Variants in ODAD4 observed in about 807,000 individuals in gnomAD.
ODAD4 encodes outer dynein arm-docking complex subunit 4.
In ODAD4, 49 loss-of-function variants were observed where a neutral mutation model predicts 51.8. That is an observed-to-expected ratio of 0.95 (90% confidence interval 0.75 to 1.20). The LOEUF (loss-of-function observed/expected upper bound fraction) is 1.20. ODAD4 is among the 50% of genes most tolerant of loss of function. The probability of loss-of-function intolerance (pLI) is 0.00; values close to 1 mark genes in which losing one functional copy is unlikely to be tolerated. For missense variants in ODAD4, 590 were observed against 586.5 expected (o/e 1.01, Z -0.06); for synonymous variants, 235 against 221.3 (o/e 1.06, Z -0.55).
chr17:41,949,125 A>C, intron 8 of ODAD4, 28 bp from the exon 9 acceptor site: 1 of 398,446 alleles, frequency 2.5e-6, no homozygotes, highest in Middle Eastern at 6.3e-4. Flanking sequence ...TGGGGGATGA[A>C]GCTGACTCTG....
chr17:41,962,112 A>G (rs1332695851), intron 11 of ODAD4, among the ~76,000 whole-genome samples: 1 of 152,160 alleles, frequency 6.6e-6, no homozygotes, highest in Non-Finnish European at 1.5e-5. Context: ...GCACTGGGTT[A>G]AGCACCAGAC....
chr17:41,956,236 A>G (rs1226669818), intron 10 of ODAD4, among the ~76,000 whole-genome samples: 1 of 151,474 alleles, frequency 6.6e-6, no homozygotes, highest in Non-Finnish European at 1.5e-5. Context: ...TTTAGTAGAG[A>G]TGGGGTTTCA....
intron 9 of ODAD4, among the ~76,000 whole-genome samples, chr17:41,954,345 CTCAA>C (rs1309800380): frequency 6.6e-6 from 1 of 151,998 alleles, no homozygotes; most frequent in East Asian, 1.9e-4. Context: ...AAATCAATCA[CTCAA>C]TCAATCTGCT....
At chr17:41,945,396 C>T (rs1489953459) in intron 8 of ODAD4, 174 bp downstream of exon 8, 2 of 603,656 alleles carry the variant, frequency 3.3e-6, no homozygotes, top group African/African-American at 1.9e-5. Flanking sequence ...CCTGTGGTCC[C>T]AGCTACTTGG....
chr17:41,942,773 G>A (rs1555638854), intron 7 of ODAD4, among the ~76,000 whole-genome samples: 1 of 152,224 alleles, frequency 6.6e-6, no homozygotes. Context: ...ACCAGGGCCT[G>A]CAGGCAGTGG....
At chr17:41,933,440 C>G (rs1048485157) in intron 1 of ODAD4, among the ~76,000 whole-genome samples, 11 of 151,828 alleles carry the variant, frequency 7.2e-5, no homozygotes, top group African/African-American at 1.9e-4. Context: ...CACCTGAGGT[C>G]AGGTGTTTGA....
chr17:41,949,347 A>G lies in ODAD4; in HGVS notation c.1340A>G (p.Gln447Arg). 2.5e-6 allele frequency: 1 copy of G among 398,674 alleles called. No homozygotes were observed. The highest frequency in any genetic ancestry group is 2.1e-5 in the African/African-American group (1 of 48,752). The allele number at this position is 398,674 out of a possible 1,614,324, so 24.7% of individuals were successfully genotyped here. A position where few individuals can be genotyped will look rare whatever the true frequency, so the allele number is the denominator to read the frequency against. The change falls in exon 9 of 12, where the codon CAA (glutamine) becomes CGA (arginine). Residue 447 changes from glutamine (Q) to arginine (R), a missense_variant and splice_region_variant. Transcript: ENST00000377540. Reference sequence around the variant, plus strand: ...GCCAGTGTTCTGGTGGCCCAGGCACAAGGTATGGGCTCAGAGATGACCACC... The same window carrying G: ...GCCAGTGTTCTGGTGGCCCAGGCACGAGGTATGGGCTCAGAGATGACCACC... ...LNASVLVAQA[Q>R]VKLRDFESAV... is the part of the protein sequence containing the mutation.
intron 5 of ODAD4, among the ~76,000 whole-genome samples, chr17:41,938,285 G>A (rs1315665463): frequency 1.3e-5 from 2 of 152,296 alleles, no homozygotes; most frequent in South Asian, 2.1e-4. Flanking sequence ...GCTTCTCAGC[G>A]AGCCATCCAC....
intron 8 of ODAD4, among the ~76,000 whole-genome samples, chr17:41,945,947 G>A (rs2050579260): frequency 6.6e-6 from 1 of 152,164 alleles, no homozygotes; most frequent in Non-Finnish European, 1.5e-5. Flanking sequence ...ATACTTGGAA[G>A]AGACCCAAGT....
intron 8 of ODAD4, among the ~76,000 whole-genome samples, chr17:41,946,478 C>T (rs782802688): frequency 1.3e-5 from 2 of 152,120 alleles, no homozygotes; most frequent in Non-Finnish European, 2.9e-5. Context: ...GCGCCCGCCA[C>T]CACGCCCAGC....
In ODAD4 at chr17:41,963,827, C is replaced by T. The variant is rs1391413732; in HGVS notation, c.1529-1166C>T. ...TGTTACCCAGTCTGGAGTGCAGTGG[C>T]GCGATCTCAGCTCACTGCAACCTCC... On this transcript the variant is annotated intron_variant, in intron 11 of 11. Coordinates refer to ENST00000377540, the MANE Select transcript of ODAD4 (RefSeq NM_031421.5). 4.9e-5 allele frequency among the ~76,000 whole-genome samples: 6 copies of T among 122,946 alleles called. No homozygotes were observed. In the East Asian group the frequency reaches 7.3e-4, roughly 15 times the overall value. 80.7% of individuals were successfully genotyped at this position (122,946 alleles called of 152,430 possible).
At position 41,965,874 on chromosome 17, in the gene ODAD4, G is replaced by C. The variant is rs1320095899; in HGVS notation, c.*391G>C. 1.3e-5 allele frequency among the ~76,000 whole-genome samples: 2 copies of C among 152,200 alleles called. No individual in the cohort carries two copies. The highest frequency in any genetic ancestry group is 4.8e-5 in the African/African-American group (2 of 41,450). On this transcript the variant is annotated 3_prime_UTR_variant, in exon 12 of 12. Coordinates refer to ENST00000377540, the MANE Select transcript of ODAD4 (RefSeq NM_031421.5). ...CCTCCAGTGCGCAGGACAGCGGGGA[G>C]GCTTTATGGATGGAACAGTGGTGGG...
chr17:41,952,974 C>G (rs980232949), intron 9 of ODAD4, among the ~76,000 whole-genome samples: 5 of 151,996 alleles, frequency 3.3e-5, no homozygotes, highest in African/African-American at 1.2e-4. Flanking sequence ...TGGGCTCAAG[C>G]AGTGCTCCCA....
At chr17:41,954,987 A>T in intron 9 of ODAD4, 1 of 639,360 alleles carries the variant, frequency 1.6e-6, no homozygotes, top group South Asian at 1.5e-5. Flanking sequence ...AACGCCTTTG[A>T]ATGAGGCCCA....
intron 1 of ODAD4, among the ~76,000 whole-genome samples, chr17:41,932,591 C>A (rs1435117853): frequency 6.6e-6 from 1 of 151,872 alleles, no homozygotes; most frequent in African/African-American, 2.4e-5. Context: ...GTCTCCCAAG[C>A]TGGAATGTGG....
chr17:41,952,540 C>CAAAAAAAAAAAAAAAAAAAAAAAAA lies in ODAD4; in HGVS notation c.1343-2672_1343-2648dup. 5 of 112,564 alleles carry CAAAAAAAAAAAAAAAAAAAAAAAAA rather than the reference C, an allele frequency of 4.4e-5. 1 individual carries two copies. Among genetic ancestry groups the CAAAAAAAAAAAAAAAAAAAAAAAAA allele is most frequent in the Non-Finnish European group, 8.5e-5 (5 of 59,096 alleles). 7.0% of individuals were successfully genotyped at this position (112,564 alleles called of 1,614,324 possible). A position where few individuals can be genotyped will look rare whatever the true frequency, so the allele number is the denominator to read the frequency against. On this transcript the variant is annotated intron_variant, in intron 9 of 11. Coordinates refer to ENST00000377540, the MANE Select transcript of ODAD4 (RefSeq NM_031421.5). ...CAGAGCGAGGCCCTGACCCTCACTC[C>CAAAAAAAAAAAAAAAAAAAAAAAAA]AAAAAAAAAAAAAAAAAAAAAAAAA...
intron 9 of ODAD4, chr17:41,954,965 C>G (rs558649257): frequency 1.7e-6 from 1 of 586,266 alleles, no homozygotes; most frequent in Non-Finnish European, 3.2e-6. Context: ...ACCACAGTCC[C>G]CTTCTCTCAC....
In ODAD4 at chr17:41,966,431, A is replaced by T. The variant is rs548234610; in HGVS notation, c.*948A>T. 2.0e-5 allele frequency among the ~76,000 whole-genome samples: 3 copies of T among 152,322 alleles called. No individual in the cohort carries two copies. The highest frequency in any genetic ancestry group is 6.5e-5 in the Admixed American group (1 of 15,304). ...TTTAATCCAATGTGGTAAAAAAAAA[A>T]GTTTTTAATTAATGCAAAAGTCCAT... On this transcript the variant is annotated 3_prime_UTR_variant, in exon 12 of 12. Coordinates refer to ENST00000377540, the MANE Select transcript of ODAD4 (RefSeq NM_031421.5).
chr17:41,961,291 C>G (rs1245061271), intron 10 of ODAD4, 91 bp from the exon 11 acceptor site: 2 of 682,632 alleles, frequency 2.9e-6, no homozygotes, highest in Non-Finnish European at 5.4e-6. Flanking sequence ...AGGTTCCCAC[C>G]AGAGCCCTGC....
Sources: allele counts gnomAD v4.1 joint callset (sites outside exome capture counted in the v4.1 genomes callset), GRCh38; gene constraint gnomAD v4.1.1; transcripts MANE v1.5; gene names NCBI Gene and HGNC (gene_info 2026-07-23, HGNC 2026-07-21).